The following PDE7B variants were observed in gnomAD, a reference collection of about 807,000 sequenced individuals.
PDE7B encodes the protein phosphodiesterase 7B.
PDE7B carries 29 observed loss-of-function variants against 56.2 expected under a neutral mutation model. The observed-to-expected ratio is 0.52, with a 90% CI of 0.38 to 0.70. The LOEUF is 0.70. Ranked by LOEUF, PDE7B falls within the 30% of genes least tolerant of loss-of-function variation. PDE7B has a pLI of 0.00. For synonymous variants in PDE7B, 197 were observed against 196.9 expected, an observed-to-expected ratio of 1.00 and a Z score of 0.00; for missense variants, 490 against 565.0, an observed-to-expected ratio of 0.87 and a Z score of 1.35.
intron 1 of PDE7B, among the ~76,000 whole-genome samples, chr6:135,868,021 A>T (rs1279760626): frequency 2.0e-5 from 3 of 152,254 alleles, no homozygotes; most frequent in Middle Eastern, 3.4e-3. Context: ...GTGTTGAATT[A>T]AAAAAAATTT....
intron 2 of PDE7B, among the ~76,000 whole-genome samples, chr6:136,015,923 G>A (rs543858373): frequency 1.1e-4 from 17 of 152,214 alleles, no homozygotes; most frequent in African/African-American, 4.1e-4. Context: ...GAACATCTAT[G>A]TCAAACAGAA....
At chr6:136,075,046 A>G (rs1406203312) in intron 2 of PDE7B, among the ~76,000 whole-genome samples, 1 of 152,216 alleles carries the variant, frequency 6.6e-6, no homozygotes, top group Non-Finnish European at 1.5e-5. Context: ...TAGTAAGGAA[A>G]AACTTCTGAA....
chr6:136,064,001 T>C (rs1235245546), intron 2 of PDE7B, among the ~76,000 whole-genome samples: 1 of 152,162 alleles, frequency 6.6e-6, no homozygotes, highest in African/African-American at 2.4e-5. Context: ...TACTACATAA[T>C]TAATAATGTT....
In PDE7B at chr6:136,026,980, G is replaced by C. The variant is rs535649981; in HGVS notation, c.82+79456G>C. On this transcript the variant is annotated intron_variant, in intron 2 of 12. Transcript: ENST00000308191. ...TATGGGAAGTAATATGGATATAATG[G>C]TAGAGCCTTCGTAATTGGATTAGCA... Among the ~76,000 whole-genome samples, 4 of 152,288 alleles carry C rather than the reference G, an allele frequency of 2.6e-5. No homozygotes were observed. In the South Asian group the frequency reaches 8.3e-4, roughly 32 times the overall value.
At chr6:136,098,134 G>GTT (rs1491167545) in intron 2 of PDE7B, 2 of 24,312 alleles carry the variant, frequency 8.2e-5, no homozygotes, top group South Asian at 1.5e-3. Context: ...TTTAGTTCCT[G>GTT]GGGGGGGGGG....
In PDE7B at chr6:136,193,699, C is replaced by G. The variant is rs1202794533; in HGVS notation, c.*1859C>G. On this transcript the variant is annotated 3_prime_UTR_variant, in exon 13 of 13. Transcript: ENST00000308191. ...CTCATGCTGATAGAATGACAGCTAG[C>G]ACTTATTTCCTAAGTGCAACTGTTT... The G allele has an allele frequency of 1.3e-5, 2 of 152,200 alleles. No individual in the cohort carries two copies. The highest frequency in any genetic ancestry group is 2.9e-5 in the Non-Finnish European group (2 of 68,040). The allele number at this position is 152,200 out of a possible 1,614,324, so 9.4% of individuals were successfully genotyped here.
At chr6:136,148,405 A>G (rs969003460) in intron 4 of PDE7B, among the ~76,000 whole-genome samples, 1 of 138,124 alleles carries the variant, frequency 7.2e-6, no homozygotes, top group African/African-American at 2.7e-5. Context: ...GGAAAGAAAG[A>G]AGGAAAGGAA....
chr6:136,111,192 C>G (rs1376861230), intron 3 of PDE7B: 2 of 151,908 alleles, frequency 1.3e-5, no homozygotes, highest in Non-Finnish European at 2.9e-5. Flanking sequence ...TCAAAGACAC[C>G]CCAAAAAGAC....
At chr6:136,153,714 C>G (rs1047847495) in intron 6 of PDE7B, among the ~76,000 whole-genome samples, 8 of 152,120 alleles carry the variant, frequency 5.3e-5, no homozygotes, top group African/African-American at 1.9e-4. Context: ...TTATAAACAG[C>G]AGAAACTCAA....
intron 1 of PDE7B, among the ~76,000 whole-genome samples, chr6:135,944,127 G>T (rs73775628): frequency 0.015 from 2,230 of 152,276 alleles, 70 homozygotes; most frequent in African/African-American, 0.05. Context: ...CAGGTACAAA[G>T]TCAGGGTCAC....
chr6:135,940,300 C>T lies in PDE7B; in HGVS notation c.22-7164C>T, dbSNP rs1322111021. On this transcript the variant is annotated intron_variant, in intron 1 of 12. Transcript: ENST00000308191. ...GTCTTTCAAAGCCTTCTCCAGTAACCCCAGTCAGGGGTGGGTACCCAGCAT... is the reference window on the plus strand; with the variant it reads ...GTCTTTCAAAGCCTTCTCCAGTAACTCCAGTCAGGGGTGGGTACCCAGCAT... Among the ~76,000 whole-genome samples the T allele has an allele frequency of 2.6e-5, 4 of 152,308 alleles. No homozygotes were observed. The East Asian group carries it at 7.7e-4, about 29-fold the overall frequency.
intron 2 of PDE7B, chr6:136,044,112 G>T (rs560080466): frequency 1.3e-5 from 2 of 152,010 alleles, no homozygotes; most frequent in African/African-American, 4.8e-5. Context: ...TTAATATCCC[G>T]CTCGTATGCT....
chr6:136,077,707 AATT>A (rs1321193273), intron 2 of PDE7B, among the ~76,000 whole-genome samples: 2 of 152,338 alleles, frequency 1.3e-5, no homozygotes, highest in East Asian at 1.9e-4. Context: ...AAATTTTTAA[AATT>A]ATTATGGTAT....
intron 2 of PDE7B, among the ~76,000 whole-genome samples, chr6:135,996,600 A>G (rs916285749): frequency 1.3e-5 from 2 of 152,176 alleles, no homozygotes; most frequent in African/African-American, 2.4e-5. Context: ...CATTTAGACA[A>G]TCTAGCTTTG....
At chr6:135,890,966 C>G (rs1205001891) in intron 1 of PDE7B, among the ~76,000 whole-genome samples, 1 of 152,156 alleles carries the variant, frequency 6.6e-6, no homozygotes, top group African/African-American at 2.4e-5. Flanking sequence ...TTTCCTGCAT[C>G]CATAAGCCAT....
intron 1 of PDE7B, among the ~76,000 whole-genome samples, chr6:135,880,118 A>C (rs966230777): frequency 4.6e-5 from 7 of 152,114 alleles, no homozygotes; most frequent in Non-Finnish European, 1.0e-4. Flanking sequence ...TCACCCCACA[A>C]ACCACATCCT....
intron 2 of PDE7B, among the ~76,000 whole-genome samples, chr6:135,984,908 C>T (rs896476729): frequency 2.0e-5 from 3 of 151,980 alleles, no homozygotes; most frequent in Non-Finnish European, 4.4e-5. Context: ...CCCAGCTCTA[C>T]TCAATCTTCA....
chr6:135,915,737 C>T (rs1390809560), intron 1 of PDE7B, among the ~76,000 whole-genome samples: 2 of 152,142 alleles, frequency 1.3e-5, no homozygotes, highest in African/African-American at 4.8e-5. Context: ...CCACTGTCAA[C>T]GATTTTTTCC....
chr6:135,917,375 C>CTGT (rs1214521429), intron 1 of PDE7B, among the ~76,000 whole-genome samples: 6 of 152,030 alleles, frequency 3.9e-5, no homozygotes, highest in Non-Finnish European at 8.8e-5. Flanking sequence ...GTCACGTCTG[C>CTGT]TGTTAAGCCC....
Sources: gnomAD v4.1 joint callset for allele counts (sites outside exome capture counted in the v4.1 genomes callset) on GRCh38, gnomAD v4.1.1 for gene constraint, MANE v1.5 for transcripts, NCBI Gene and HGNC (gene_info 2026-07-23, HGNC 2026-07-21) for gene names.